Variants in SLC35F4 observed in about 807,000 individuals in gnomAD.
SLC35F4 encodes solute carrier family 35 member F4, also known as chromosome 14 open reading frame 36.
In SLC35F4, 24 loss-of-function variants were observed where a neutral mutation model predicts 44.2. The observed-to-expected ratio is 0.54, with a 90% CI of 0.39 to 0.76. The LOEUF (loss-of-function observed/expected upper bound fraction) is 0.76. SLC35F4 is among the 30% of genes least tolerant of loss of function. The pLI is 0.00. For missense variants in SLC35F4, 562 were observed against 586.1 expected (o/e 0.96, Z 0.42); for synonymous variants, 238 against 223.6 (o/e 1.06, Z -0.57).
intron 2 of SLC35F4, among the ~76,000 whole-genome samples, chr14:57,591,150 C>T (rs1186687123): frequency 2.0e-5 from 3 of 152,166 alleles, no homozygotes; most frequent in Non-Finnish European, 1.5e-5. Context: ...CTCTACCAGG[C>T]GCTAGTTAGC....
intron 1 of SLC35F4, among the ~76,000 whole-genome samples, chr14:57,803,476 A>T (rs1038802849): frequency 3.9e-5 from 6 of 152,294 alleles, no homozygotes; most frequent in African/African-American, 1.2e-4. Context: ...AAGAGAAATA[A>T]GTAAAGGGTA....
intron 1 of SLC35F4, among the ~76,000 whole-genome samples, chr14:57,747,494 A>C (rs567991754): frequency 3.1e-4 from 47 of 152,184 alleles, no homozygotes; most frequent in African/African-American, 1.1e-3. Flanking sequence ...GGTATGATGA[A>C]CCCCCAGTAT....
intron 1 of SLC35F4, among the ~76,000 whole-genome samples, chr14:57,929,832 G>C (rs75450638): frequency 0.027 from 4,099 of 152,296 alleles, 81 homozygotes; most frequent in Non-Finnish European, 0.043. Context: ...GAATAAGAGT[G>C]AATCTCCCAA....
At chr14:57,755,740 A>G (rs952517957) in intron 1 of SLC35F4, among the ~76,000 whole-genome samples, 1 of 152,196 alleles carries the variant, frequency 6.6e-6, no homozygotes. Context: ...GTTTTACTAA[A>G]TTGCTTTCAC....
intron 1 of SLC35F4, among the ~76,000 whole-genome samples, chr14:57,968,994 T>C (rs2141093224): frequency 6.6e-6 from 1 of 152,310 alleles, no homozygotes; most frequent in East Asian, 1.9e-4. Flanking sequence ...GAAAAGTAAA[T>C]CTGGACTTGA....
At chr14:57,629,996 A>G (rs1256625684) in intron 1 of SLC35F4, 1 of 529,870 alleles carries the variant, frequency 1.9e-6, no homozygotes, top group Non-Finnish European at 3.8e-6. Flanking sequence ...GAACTTGGTC[A>G]TTATGGTCCT....
At chr14:57,637,497 T>C (rs1417563581) in intron 1 of SLC35F4, among the ~76,000 whole-genome samples, 1 of 152,124 alleles carries the variant, frequency 6.6e-6, no homozygotes, top group African/African-American at 2.4e-5. Flanking sequence ...CTCTCTGCAG[T>C]CTTACACGTT....
chr14:57,630,352 G>A, intron 1 of SLC35F4: 1 of 600,670 alleles, frequency 1.7e-6, no homozygotes, highest in Non-Finnish European at 3.1e-6. Context: ...AGACCGACTG[G>A]AAGACCACAC....
chr14:57,589,888 C>T (rs1269574764), intron 2 of SLC35F4, among the ~76,000 whole-genome samples: 1 of 152,134 alleles, frequency 6.6e-6, no homozygotes, highest in African/African-American at 2.4e-5. Context: ...TAACACCTCC[C>T]ATAAGAAGCC....
chr14:57,598,927 G>A (rs2070652770), intron 1 of SLC35F4, among the ~76,000 whole-genome samples: 1 of 151,998 alleles, frequency 6.6e-6, no homozygotes, highest in Non-Finnish European at 1.5e-5. Flanking sequence ...AGAAGGGGTA[G>A]TTGCTCTATG....
At chr14:57,653,093 T>C (rs929739104) in intron 1 of SLC35F4, among the ~76,000 whole-genome samples, 2 of 152,168 alleles carry the variant, frequency 1.3e-5, no homozygotes, top group Non-Finnish European at 2.9e-5. Context: ...CTCAGGTACA[T>C]ATTCCCTTGG....
chr14:57,944,135 C>T (rs1028668112), intron 1 of SLC35F4, among the ~76,000 whole-genome samples: 2 of 152,186 alleles, frequency 1.3e-5, no homozygotes, highest in African/African-American at 4.8e-5. Flanking sequence ...CACTGTTCAG[C>T]CTCCCTTTCT....
intron 1 of SLC35F4, among the ~76,000 whole-genome samples, chr14:57,629,562 G>T (rs1005881014): frequency 6.6e-6 from 1 of 152,110 alleles, no homozygotes; most frequent in African/African-American, 2.4e-5. Context: ...GGTATACATT[G>T]ATTTTGATGA....
intron 1 of SLC35F4, among the ~76,000 whole-genome samples, chr14:57,768,448 C>A (rs2077284176): frequency 6.6e-6 from 1 of 152,278 alleles, no homozygotes; most frequent in Middle Eastern, 3.4e-3. Context: ...AATAACAAGG[C>A]CCACAGAAGA....
intron 1 of SLC35F4, among the ~76,000 whole-genome samples, chr14:57,802,161 T>G (rs577878260): frequency 2.0e-5 from 3 of 152,294 alleles, no homozygotes; most frequent in Admixed American, 2.0e-4. Flanking sequence ...AAATTAGAAC[T>G]GAATATTAAG....
intron 1 of SLC35F4, among the ~76,000 whole-genome samples, chr14:57,624,328 A>G (rs551465565): frequency 5.9e-5 from 9 of 152,232 alleles, no homozygotes; most frequent in Non-Finnish European, 1.2e-4. Flanking sequence ...AACCAAAAAA[A>G]GTCCAGGACC....
chr14:57,799,932 TGCCA>T (rs982321598), intron 1 of SLC35F4, among the ~76,000 whole-genome samples: 1 of 152,138 alleles, frequency 6.6e-6, no homozygotes, highest in Non-Finnish European at 1.5e-5. Context: ...TTTTCCAGCC[TGCCA>T]GCTGTGGAGA....
chr14:57,950,574 G>A (rs924802046), intron 1 of SLC35F4, among the ~76,000 whole-genome samples: 5 of 151,896 alleles, frequency 3.3e-5, no homozygotes, highest in African/African-American at 1.2e-4. Flanking sequence ...GAGCTAGGGT[G>A]ATTGTTGGGG....
chr14:57,584,128 C>G (rs920124947), intron 3 of SLC35F4, among the ~76,000 whole-genome samples: 8 of 152,080 alleles, frequency 5.3e-5, no homozygotes, highest in Admixed American at 5.2e-4. Context: ...TAAGATTTTT[C>G]CCCTAAGAAA....
Sources: gnomAD v4.1 joint callset for allele counts (sites outside exome capture counted in the v4.1 genomes callset) on GRCh38, gnomAD v4.1.1 for gene constraint, MANE v1.5 for transcripts, NCBI Gene and HGNC (gene_info 2026-07-23, HGNC 2026-07-21) for gene names.